Variants in PKN2 observed in about 807,000 individuals in gnomAD.
The protein encoded by PKN2 is protein kinase N2, also known as serine/threonine-protein kinase N2.
PKN2 carries 38 observed loss-of-function variants against 119.1 expected under a neutral mutation model. The observed-to-expected ratio is 0.32, with a 90% CI of 0.25 to 0.42. The LOEUF is 0.42. PKN2 is among the 10% of genes least tolerant of loss of function. The pLI is 1.00. For synonymous variants in PKN2, 390 were observed against 384.9 expected, an observed-to-expected ratio of 1.01 and a Z score of -0.15; for missense variants, 850 against 1,165.1, an observed-to-expected ratio of 0.73 and a Z score of 3.94.
chr1:88,762,532 T>C (rs553823624), intron 3 of PKN2, among the ~76,000 whole-genome samples: 1 of 152,346 alleles, frequency 6.6e-6, no homozygotes, highest in Admixed American at 6.5e-5. Context: ...TATTAATTTA[T>C]TCATTAAGGA....
chr1:88,813,461 A>C, intron 15 of PKN2, 96 bp from the exon 16 acceptor site: 1 of 812,972 alleles, frequency 1.2e-6, no homozygotes, highest in Non-Finnish European at 1.8e-6. Flanking sequence ...TATAGTTAAA[A>C]TTTTGCTTAT....
intron 17 of PKN2, 83 bp from the exon 18 acceptor site, chr1:88,824,227 A>C (rs1413062132): frequency 7.3e-6 from 5 of 685,538 alleles, no homozygotes; most frequent in Non-Finnish European, 1.3e-5. Context: ...ACACAGTTCC[A>C]ATTGCAATTA....
chr1:88,699,398 AT>A (rs1407427079), intron 1 of PKN2, among the ~76,000 whole-genome samples: 2 of 151,906 alleles, frequency 1.3e-5, no homozygotes, highest in Admixed American at 6.6e-5. Context: ...TGTAATTTTA[AT>A]TTTTTCCCCT....
intron 8 of PKN2, among the ~76,000 whole-genome samples, chr1:88,803,111 TTC>T (rs1671392479): frequency 1.3e-5 from 2 of 152,210 alleles, no homozygotes; most frequent in Admixed American, 1.3e-4. Flanking sequence ...TTCATGACAG[TTC>T]TCTCCCATAT....
intron 15 of PKN2, among the ~76,000 whole-genome samples, chr1:88,809,891 G>A (rs559991038): frequency 2.2e-4 from 33 of 152,036 alleles, no homozygotes; most frequent in African/African-American, 8.0e-4. Flanking sequence ...GATTATAGGT[G>A]TAAGCCACCA....
chr1:88,800,725 A>T (rs572565204), intron 8 of PKN2, among the ~76,000 whole-genome samples: 1 of 152,172 alleles, frequency 6.6e-6, no homozygotes, highest in Admixed American at 6.5e-5. Flanking sequence ...TCTTTTTTCA[A>T]TTGCAATACA....
intron 8 of PKN2, among the ~76,000 whole-genome samples, chr1:88,800,478 T>C (rs1671259351): frequency 6.6e-6 from 1 of 152,126 alleles, no homozygotes; most frequent in African/African-American, 2.4e-5. Flanking sequence ...TGCTTTTTAT[T>C]GTTGAAAACC....
At chr1:88,793,094 TATA>T (rs766514842) in intron 8 of PKN2, among the ~76,000 whole-genome samples, 10 of 152,278 alleles carry the variant, frequency 6.6e-5, no homozygotes, top group African/African-American at 1.2e-4. Context: ...GCTACAAAAT[TATA>T]GTAGTACAGT....
rs565298303 is a variant in PKN2, at chr1:88,756,395, T to C, written c.350-3827T>C. On this transcript the variant is annotated intron_variant, in intron 2 of 21. Coordinates refer to ENST00000370521, the MANE Select transcript of PKN2 (RefSeq NM_006256.4). ...ACAAAATTTTTGCCCTACCTACCTT[T>C]TTACTCATTGGTTCTAATTCTCTGT... is the stretch of plus-strand genomic sequence containing the variant. 2.0e-5 allele frequency among the ~76,000 whole-genome samples: 3 copies of C among 152,314 alleles called. No individual in the cohort carries two copies. In the East Asian group the frequency reaches 5.8e-4, roughly 29 times the overall value.
At chr1:88,807,279 T>G (rs11808481) in intron 12 of PKN2, 34 bp from the exon 13 acceptor site, 28,537 of 1,350,012 alleles carry the variant, frequency 0.021, 544 homozygotes, top group African/African-American at 0.082. Flanking sequence ...TTCTGGGTAT[T>G]TCTATGGATT....
rs527968746 is a variant in PKN2, at chr1:88,821,596, C to T, written c.2280-345C>T. 1.4e-4 allele frequency among the ~76,000 whole-genome samples: 22 copies of T among 152,176 alleles called. No homozygotes were observed. In the South Asian group the frequency reaches 3.1e-3, roughly 22 times the overall value. On this transcript the variant is annotated intron_variant, in intron 16 of 21. Coordinates refer to ENST00000370521, the MANE Select transcript of PKN2 (RefSeq NM_006256.4). ...TTTTGCACCTCTATTTCTTTTTTCT[C>T]TCAGGTAAGTACTTTATTATTCCCC...
At chr1:88,814,257 A>G (rs904471833) in intron 16 of PKN2, among the ~76,000 whole-genome samples, 16 of 152,246 alleles carry the variant, frequency 1.1e-4, no homozygotes, top group African/African-American at 3.4e-4. Flanking sequence ...AGAGATAAAA[A>G]GCAGACTTTT....
intron 1 of PKN2, among the ~76,000 whole-genome samples, chr1:88,704,750 C>T (rs1666905241): frequency 7.3e-6 from 1 of 136,594 alleles, no homozygotes; most frequent in East Asian, 2.1e-4. Context: ...CTGCACACTC[C>T]AGCCCAGGCA....
chr1:88,724,217 C>G (rs1667806254), intron 1 of PKN2, among the ~76,000 whole-genome samples: 1 of 152,106 alleles, frequency 6.6e-6, no homozygotes, highest in East Asian at 1.9e-4. Context: ...GGCCAGAACC[C>G]AGGTGTTTTG....
chr1:88,750,247 A>G (rs1329953065), intron 2 of PKN2, among the ~76,000 whole-genome samples: 2 of 152,158 alleles, frequency 1.3e-5, no homozygotes, highest in South Asian at 2.1e-4. Context: ...AGAAGTAAAG[A>G]CTCAAGAATT....
At chr1:88,694,104 G>A (rs1666434229) in intron 1 of PKN2, among the ~76,000 whole-genome samples, 1 of 152,214 alleles carries the variant, frequency 6.6e-6, no homozygotes, top group African/African-American at 2.4e-5. Context: ...TACATTTGTT[G>A]CAGTTGATGA....
At chr1:88,799,210 A>G (rs896991914) in intron 8 of PKN2, among the ~76,000 whole-genome samples, 3 of 152,190 alleles carry the variant, frequency 2.0e-5, no homozygotes, top group Admixed American at 2.0e-4. Flanking sequence ...AAGGGAGCAG[A>G]GGCAGTAACC....
intron 13 of PKN2, 28 bp from the exon 14 acceptor site, chr1:88,807,501 T>A: frequency 6.2e-6 from 10 of 1,603,186 alleles, no homozygotes; most frequent in Non-Finnish European, 8.5e-6. Flanking sequence ...TTTATTGTCT[T>A]ATTATTAATT....
At chr1:88,777,303 CT>C (rs1219645331) in intron 6 of PKN2, among the ~76,000 whole-genome samples, 2 of 152,076 alleles carry the variant, frequency 1.3e-5, no homozygotes, top group Non-Finnish European at 2.9e-5. Flanking sequence ...AGACACATCA[CT>C]TTTCTTGTTT....
Sources: allele counts gnomAD v4.1 joint callset (sites outside exome capture counted in the v4.1 genomes callset), GRCh38; gene constraint gnomAD v4.1.1; transcripts MANE v1.5; gene names NCBI Gene and HGNC (gene_info 2026-07-23, HGNC 2026-07-21).